The following GMDS variants were observed in gnomAD, a reference collection of about 807,000 sequenced individuals.
GMDS encodes GDP-mannose 4,6-dehydratase.
Under a neutral mutation model 49.9 loss-of-function variants are expected in GMDS, and 20 were observed. That is an observed-to-expected ratio of 0.40 (90% CI 0.28 to 0.58). The LOEUF is 0.58. Ranked by LOEUF, GMDS falls within the 20% of genes least tolerant of loss-of-function variation. The pLI, the probability that GMDS is intolerant of heterozygous loss-of-function variation, is 0.42. For missense variants in GMDS, 362 were observed against 481.4 expected, an observed-to-expected ratio of 0.75 and a Z score of 2.32; for synonymous variants, 177 against 178.6, an observed-to-expected ratio of 0.99 and a Z score of 0.07.
At chr6:1,945,332 A>T (rs1489217257) in intron 6 of GMDS, among the ~76,000 whole-genome samples, 1 of 152,048 alleles carries the variant, frequency 6.6e-6, no homozygotes, top group Non-Finnish European at 1.5e-5. Context: ...CGTGCCTCTC[A>T]AGCTCACCAG....
chr6:1,632,771 T>C (rs1763034789), intron 9 of GMDS, among the ~76,000 whole-genome samples: 1 of 152,100 alleles, frequency 6.6e-6, no homozygotes, highest in Admixed American at 6.6e-5. Flanking sequence ...CCCAGCTACT[T>C]GGGAGGCTGA....
intron 4 of GMDS, among the ~76,000 whole-genome samples, chr6:2,107,296 G>C (rs1774299275): frequency 1.3e-5 from 2 of 152,030 alleles, no homozygotes; most frequent in South Asian, 4.2e-4. Context: ...CTTTTTAAGT[G>C]GTTTTAGATT....
chr6:1,858,461 C>A (rs1241696051), intron 7 of GMDS, among the ~76,000 whole-genome samples: 1 of 152,166 alleles, frequency 6.6e-6, no homozygotes, highest in South Asian at 2.1e-4. Flanking sequence ...AAAAACCTTT[C>A]AATAACAATG....
intron 4 of GMDS, among the ~76,000 whole-genome samples, chr6:1,964,958 G>A (rs1429512927): frequency 6.6e-6 from 1 of 151,976 alleles, no homozygotes; most frequent in Non-Finnish European, 1.5e-5. Context: ...TGCTGAGAAT[G>A]ATGGTTTCCA....
intron 1 of GMDS, among the ~76,000 whole-genome samples, chr6:2,173,567 TTC>T (rs1226087918): frequency 6.6e-6 from 1 of 152,238 alleles, no homozygotes; most frequent in Non-Finnish European, 1.5e-5. Flanking sequence ...GTATAATTAA[TTC>T]TGAGTGGGCA....
chr6:2,237,377 T>G (rs1055464937), intron 1 of GMDS, among the ~76,000 whole-genome samples: 1 of 152,200 alleles, frequency 6.6e-6, no homozygotes, highest in African/African-American at 2.4e-5. Context: ...CATGTTTTAC[T>G]CACTCATTTC....
At position 1,624,088 on chromosome 6, in the gene GMDS, C is replaced by T. The variant is rs1762770190; in HGVS notation, c.*81G>A. ...AGGGGACCCGCAGATTGGCACGCCG[C>T]TCCCCATCCCCGCAGCGCGTCTGCA... On this transcript the variant is annotated 3_prime_UTR_variant, in exon 11 of 11. Coordinates refer to ENST00000380815, the MANE Select transcript of GMDS (RefSeq NM_001500.4). The T allele has an allele frequency of 6.1e-6, 8 of 1,306,222 alleles. No homozygotes were observed. Among genetic ancestry groups the T allele is most frequent in the South Asian group, 1.2e-5 (1 of 83,192 alleles). 80.9% of individuals were successfully genotyped at this position (1,306,222 alleles called of 1,614,324 possible). A position where few individuals can be genotyped will look rare whatever the true frequency, so the allele number is the denominator to read the frequency against.
intron 4 of GMDS, among the ~76,000 whole-genome samples, chr6:1,972,634 A>G (rs950827445): frequency 9.2e-5 from 14 of 152,248 alleles, no homozygotes; most frequent in African/African-American, 3.4e-4. Context: ...ACTAAATTCT[A>G]TCTGAAATTT....
chr6:2,000,517 T>C (rs981673682), intron 4 of GMDS, among the ~76,000 whole-genome samples: 6 of 152,208 alleles, frequency 3.9e-5, no homozygotes, highest in African/African-American at 1.4e-4. Flanking sequence ...ATTTTGGACA[T>C]TTCATGTAAA....
At chr6:2,023,558 G>A (rs1768401381) in intron 4 of GMDS, among the ~76,000 whole-genome samples, 1 of 152,136 alleles carries the variant, frequency 6.6e-6, no homozygotes, top group African/African-American at 2.4e-5. Context: ...TGCACGCCAA[G>A]AACTAAACAC....
At chr6:1,786,481 A>T (rs1365536929) in intron 7 of GMDS, among the ~76,000 whole-genome samples, 1 of 152,254 alleles carries the variant, frequency 6.6e-6, no homozygotes, top group East Asian at 1.9e-4. Context: ...CTGAGCAAGC[A>T]TAGCAGAGGC....
chr6:1,913,894 T>G (rs975046911), intron 7 of GMDS, among the ~76,000 whole-genome samples: 1 of 152,174 alleles, frequency 6.6e-6, no homozygotes, highest in Admixed American at 6.5e-5. Context: ...GGAAGATTTA[T>G]GTAAATAAGG....
chr6:2,114,382 T>TTAGGGAA (rs1443332725), intron 4 of GMDS, among the ~76,000 whole-genome samples: 4 of 152,036 alleles, frequency 2.6e-5, no homozygotes, highest in Non-Finnish European at 4.4e-5. Context: ...ACTACCTCAA[T>TTAGGGAA]TAGGGAAAAA....
At chr6:2,117,023 T>C (rs146362175) in intron 3 of GMDS, among the ~76,000 whole-genome samples, 98 of 152,348 alleles carry the variant, frequency 6.4e-4, no homozygotes, top group African/African-American at 2.3e-3. Flanking sequence ...GATCAGTCAT[T>C]TAGAACAGTT....
At position 2,115,861 on chromosome 6, in the gene GMDS, G is replaced by T; in HGVS notation, c.255C>A (p.Gly85=). ...HIEGNMKLHY[G]DLTDSTCLVK... is the part of the protein sequence containing the mutation. ...CAAGGCAGGTACTGTCAGTGAGATC[G>T]CCATAGTGCAACTTCATGTCTTCAG... Residue 85 remains glycine, a synonymous_variant, in exon 4 of 11, where the codon GGC becomes GGA. Transcript: ENST00000380815. The T allele has an allele frequency of 6.3e-7, 1 of 1,592,228 alleles. No homozygotes were observed. The highest frequency in any genetic ancestry group is 8.6e-7 in the Non-Finnish European group (1 of 1,160,528).
chr6:1,897,482 G>A (rs1374968337), intron 7 of GMDS, among the ~76,000 whole-genome samples: 1 of 152,180 alleles, frequency 6.6e-6, no homozygotes, highest in East Asian at 1.9e-4. Flanking sequence ...ATGTGGGGTT[G>A]AGAGCATGGT....
intron 1 of GMDS, among the ~76,000 whole-genome samples, chr6:2,188,107 G>A (rs916356997): frequency 2.0e-5 from 3 of 152,172 alleles, no homozygotes; most frequent in African/African-American, 7.2e-5. Flanking sequence ...ACAACCTGCT[G>A]CATCACTGGG....
chr6:1,960,729 C>G (rs201043095), intron 5 of GMDS, 45 bp downstream of exon 5: 1 of 1,300,782 alleles, frequency 7.7e-7, no homozygotes, highest in East Asian at 2.3e-5. Context: ...CCCACACCCA[C>G]AGATAACGCC....
intron 9 of GMDS, among the ~76,000 whole-genome samples, chr6:1,655,857 G>A (rs942360683): frequency 2.0e-5 from 3 of 152,140 alleles, no homozygotes; most frequent in South Asian, 2.1e-4. Flanking sequence ...ATGAGCCTGC[G>A]GATACATTCC....
Sources: gnomAD v4.1 joint callset for allele counts (sites outside exome capture counted in the v4.1 genomes callset) on GRCh38, gnomAD v4.1.1 for gene constraint, MANE v1.5 for transcripts, NCBI Gene and HGNC (gene_info 2026-07-23, HGNC 2026-07-21) for gene names.